Variants in DMXL2 observed in about 807,000 individuals in gnomAD.
DMXL2 encodes Dmx like 2.
In DMXL2, 103 loss-of-function variants were observed where a neutral mutation model predicts 331.1. That is an observed-to-expected ratio of 0.31 (90% CI 0.27 to 0.37). DMXL2 has a LOEUF of 0.37. Among genes scored for constraint, DMXL2 ranks in the 10% least tolerant of loss-of-function variants. The probability of loss-of-function intolerance (pLI) is 1.00; values close to 1 mark genes in which losing one functional copy is unlikely to be tolerated. For synonymous variants in DMXL2, 1,281 were observed against 1,252.1 expected, an observed-to-expected ratio of 1.02 and a Z score of -0.49; for missense variants, 3,171 against 3,642.9, an observed-to-expected ratio of 0.87 and a Z score of 3.33.
intron 6 of DMXL2, among the ~76,000 whole-genome samples, chr15:51,551,211 T>G (rs1235411192): frequency 6.6e-6 from 1 of 151,748 alleles, no homozygotes; most frequent in Non-Finnish European, 1.5e-5. Flanking sequence ...TGTGAGAAAA[T>G]AGCTTTTTCA....
intron 22 of DMXL2, among the ~76,000 whole-genome samples, chr15:51,487,107 G>A (rs1380512004): frequency 6.6e-6 from 1 of 152,050 alleles, no homozygotes; most frequent in African/African-American, 2.4e-5. Flanking sequence ...GAAGATATCA[G>A]AAGTAAACAC....
Position 51,547,259 on chromosome 15 carries a change from C to T in DMXL2, c.717G>A (p.Ser239=), listed in dbSNP as rs777359070. 23 of 1,611,078 alleles carry T rather than the reference C, an allele frequency of 1.4e-5. No homozygotes were observed. The highest frequency in any genetic ancestry group is 2.2e-5 in the East Asian group (1 of 44,780). Reference sequence around the variant, plus strand: ...GCATATACTTGCTAGTTTTGCGCCACGAAAAACCTGTCACAGCTCGGGGAT... The same window carrying T: ...GCATATACTTGCTAGTTTTGCGCCATGAAAAACCTGTCACAGCTCGGGGAT... ...LAHPRAVTGF[S]WRKTSKYMPR... Residue 239 remains serine (S), a synonymous_variant, in exon 7 of 44, where the codon TCG becomes TCA. Coordinates refer to ENST00000560891, the MANE Select transcript of DMXL2 (RefSeq NM_001378457.1).
intron 13 of DMXL2, among the ~76,000 whole-genome samples, chr15:51,530,796 T>TAC (rs2047957624): frequency 6.6e-6 from 1 of 151,874 alleles, no homozygotes. Context: ...ACAATAGCCA[T>TAC]ACATAATATT....
chr15:51,506,774 G>GATA (rs1344775130), intron 16 of DMXL2, among the ~76,000 whole-genome samples: 3 of 152,014 alleles, frequency 2.0e-5, no homozygotes, highest in Non-Finnish European at 4.4e-5. Flanking sequence ...TTTTAATGAT[G>GATA]ATAAAGCTGA....
At chr15:51,530,965 A>T (rs2047969347) in intron 13 of DMXL2, among the ~76,000 whole-genome samples, 1 of 152,206 alleles carries the variant, frequency 6.6e-6, no homozygotes, top group South Asian at 2.1e-4. Context: ...TACCCCAAGC[A>T]ATCTACAGAT....
At chr15:51,621,915 C>A (rs1461706988) in intron 1 of DMXL2, among the ~76,000 whole-genome samples, 3 of 152,192 alleles carry the variant, frequency 2.0e-5, no homozygotes, top group African/African-American at 7.2e-5. Flanking sequence ...AATTAAGATC[C>A]TGCATTATCA....
chr15:51,541,717 A>T (rs1400765353), intron 9 of DMXL2, among the ~76,000 whole-genome samples: 2 of 152,140 alleles, frequency 1.3e-5, no homozygotes, highest in African/African-American at 4.8e-5. Flanking sequence ...TGTAATATAA[A>T]ATTTATAGCC....
intron 1 of DMXL2, among the ~76,000 whole-genome samples, chr15:51,614,132 C>T (rs890602465): frequency 2.0e-5 from 3 of 152,002 alleles, no homozygotes; most frequent in African/African-American, 4.8e-5. Flanking sequence ...AAAAAGACAC[C>T]GCAAGTGCAT....
Position 51,545,777 on chromosome 15 carries a change from A to G in DMXL2, c.747-11T>C. 3 of 1,600,214 alleles carry G rather than the reference A, an allele frequency of 1.9e-6. No homozygotes were observed. The highest frequency in any genetic ancestry group is 1.1e-5 in the South Asian group (1 of 89,748). On this transcript the variant is annotated splice_polypyrimidine_tract_variant and intron_variant, in intron 7 of 43. Coordinates refer to ENST00000560891, the MANE Select transcript of DMXL2 (RefSeq NM_001378457.1). ...TTACAGACAGAACCCCTAACAACAA[A>G]GAGAAATAAATAAAGGTTAATGTGA...
chr15:51,613,516 G>A (rs922470797), intron 1 of DMXL2, among the ~76,000 whole-genome samples: 9 of 152,130 alleles, frequency 5.9e-5, no homozygotes, highest in Admixed American at 1.3e-4. Context: ...ACAATGTCTA[G>A]GTGCCAAAAT....
Position 51,495,045 on chromosome 15 carries a change from G to A in DMXL2, c.4762C>T (p.Arg1588Ter), listed in dbSNP as rs748413058. The change falls in exon 19 of 44, where the codon CGA becomes TGA. Residue 1588 changes from arginine to a stop codon, truncating the protein, a stop_gained. Coordinates refer to ENST00000560891, the MANE Select transcript of DMXL2 (RefSeq NM_001378457.1). LOFTEE classifies it high-confidence loss of function. The part of the protein sequence containing the change: ...CLLTSLPPLY[R>*]VQLLHQGVST... ...TTACCTTGATGAAGTAGCTGCACTC[G>A]GTATAAAGGAGGCAGCGATGTCAAA... The A allele has an allele frequency of 1.2e-6, 2 of 1,612,292 alleles. No individual in the cohort carries two copies. Among genetic ancestry groups the A allele is most frequent in the Non-Finnish European group, 1.7e-6 (2 of 1,178,778 alleles).
At chr15:51,545,112 CATTT>C (rs1165594229) in intron 8 of DMXL2, among the ~76,000 whole-genome samples, 1 of 152,106 alleles carries the variant, frequency 6.6e-6, no homozygotes, top group East Asian at 1.9e-4. Flanking sequence ...CAAAGCAGTT[CATTT>C]GTGTCTAATA....
chr15:51,521,752 T>C (rs2047394158), intron 13 of DMXL2, among the ~76,000 whole-genome samples: 1 of 152,184 alleles, frequency 6.6e-6, no homozygotes, highest in Non-Finnish European at 1.5e-5. Flanking sequence ...TATGACTCTA[T>C]AGATACAAGA....
At chr15:51,502,659 T>C in intron 17 of DMXL2, 147 bp downstream of exon 17, 3 of 643,538 alleles carry the variant, frequency 4.7e-6, no homozygotes, top group Non-Finnish European at 8.1e-6. Flanking sequence ...TTTCTAACCA[T>C]CTAGACATAT....
intron 1 of DMXL2, among the ~76,000 whole-genome samples, chr15:51,579,907 C>T (rs1352595560): frequency 1.3e-5 from 2 of 152,142 alleles, no homozygotes; most frequent in Non-Finnish European, 2.9e-5. Flanking sequence ...TCTTCACAGG[C>T]CTGCTTTTGA....
At chr15:51,569,984 C>G (rs1001019401) in intron 2 of DMXL2, among the ~76,000 whole-genome samples, 7 of 152,022 alleles carry the variant, frequency 4.6e-5, no homozygotes, top group Admixed American at 1.3e-4. Flanking sequence ...TGGGTAATAA[C>G]AAACTCCTCC....
At chr15:51,503,687 T>C (rs2043845124) in intron 16 of DMXL2, among the ~76,000 whole-genome samples, 1 of 152,116 alleles carries the variant, frequency 6.6e-6, no homozygotes, top group Non-Finnish European at 1.5e-5. Context: ...ACAATGTATA[T>C]TTCAAAAGAG....
At chr15:51,560,289 A>C (rs1186194491) in intron 6 of DMXL2, among the ~76,000 whole-genome samples, 2 of 152,136 alleles carry the variant, frequency 1.3e-5, no homozygotes, top group Non-Finnish European at 2.9e-5. Context: ...CAGACGAATG[A>C]CATCAGTGAC....
At position 51,542,380 on chromosome 15, in the gene DMXL2, T is replaced by C. The variant is rs2048646540; in HGVS notation, c.1058A>G (p.Asn353Ser). 6.2e-7 allele frequency: 1 copy of C among 1,613,676 alleles called. No individual in the cohort carries two copies. Among genetic ancestry groups the C allele is most frequent in the African/African-American group, 1.3e-5 (1 of 74,902 alleles). ...TGCAATATGAAAATGACAGAGTGCA[T>C]TTGCATGGTGGGAAATGTGTCTTTG... ...EVQRHISHHA[N>S]ALCHFHIAAS... The change falls in exon 9 of 44, where the codon AAT (asparagine) becomes AGT (serine). Residue 353 changes from asparagine (N) to serine (S), a missense_variant. This residue lies in a region of DMXL2 where 1,674 missense variants were observed against 1,780.2 expected (regional missense o/e 0.94). Coordinates refer to ENST00000560891, the MANE Select transcript of DMXL2 (RefSeq NM_001378457.1).
Sources: allele counts gnomAD v4.1 joint callset (sites outside exome capture counted in the v4.1 genomes callset), GRCh38; gene constraint gnomAD v4.1.1; regional missense constraint gnomAD v4.1.1; transcripts MANE v1.5; gene names NCBI Gene and HGNC (gene_info 2026-07-23, HGNC 2026-07-21).